Variants in ABCC4 observed in about 807,000 individuals in gnomAD.
The protein encoded by ABCC4 is ATP-binding cassette sub-family C member 4.
A neutral mutation model predicts 168.5 loss-of-function variants in ABCC4; 102 were observed. That is an observed-to-expected ratio of 0.61 (90% CI 0.52 to 0.71). The LOEUF is 0.71. Among genes scored for constraint, ABCC4 ranks in the 30% least tolerant of loss-of-function variants. The pLI, the probability that ABCC4 is intolerant of heterozygous loss-of-function variation, is 0.00. For missense variants in ABCC4, 1,402 were observed against 1,605.8 expected (o/e 0.87, Z 2.17); for synonymous variants, 617 against 590.7 (o/e 1.04, Z -0.65).
At chr13:95,283,215 C>CA (rs1262067135) in intron 1 of ABCC4, among the ~76,000 whole-genome samples, 7,577 of 100,876 alleles carry the variant, frequency 0.075, 235 homozygotes, top group African/African-American at 0.13. Flanking sequence ...GACTCCAACT[C>CA]AAAAAAAAAA....
chr13:95,247,234 G>C, intron 2 of ABCC4, 139 bp from the exon 3 acceptor site: 1 of 952,162 alleles, frequency 1.1e-6, no homozygotes, highest in Non-Finnish European at 1.6e-6. Flanking sequence ...TGCTCCCAGG[G>C]CTCCTGAAGG....
At chr13:95,210,808 T>C in intron 4 of ABCC4, 27 bp from the exon 5 acceptor site, 10 of 1,563,792 alleles carry the variant, frequency 6.4e-6, no homozygotes, top group Non-Finnish European at 8.8e-6. Context: ...AAGTAGAGAA[T>C]TGTATTCATG....
chr13:95,258,955 C>T (rs1044803743), intron 1 of ABCC4, among the ~76,000 whole-genome samples: 1 of 152,148 alleles, frequency 6.6e-6, no homozygotes, highest in African/African-American at 2.4e-5. Context: ...GGCTGCTGGG[C>T]CCGGCCTGGG....
intron 19 of ABCC4, among the ~76,000 whole-genome samples, chr13:95,137,514 A>AG (rs549294475): frequency 1.8e-4 from 27 of 152,312 alleles, no homozygotes; most frequent in South Asian, 6.2e-4. Flanking sequence ...AGAATATTTA[A>AG]GGGGGGGTAA....
At chr13:95,139,632 A>G (rs146688717) in intron 19 of ABCC4, among the ~76,000 whole-genome samples, 1 of 152,338 alleles carries the variant, frequency 6.6e-6, no homozygotes, top group East Asian at 1.9e-4. Context: ...ATCTACGGAC[A>G]TTGTTTAAAT....
At chr13:95,211,403 TCGAA>T (rs1050497492) in intron 4 of ABCC4, among the ~76,000 whole-genome samples, 2 of 152,098 alleles carry the variant, frequency 1.3e-5, no homozygotes, top group Admixed American at 6.5e-5. Flanking sequence ...TGGGGACAGT[TCGAA>T]CTGAGGGACA....
At chr13:95,068,574 C>G (rs983035128) in intron 25 of ABCC4, among the ~76,000 whole-genome samples, 4 of 152,064 alleles carry the variant, frequency 2.6e-5, no homozygotes, top group African/African-American at 9.7e-5. Context: ...GCCAAGATTG[C>G]GCCACTGCAC....
At chr13:95,120,292 C>T (rs895993674) in intron 19 of ABCC4, among the ~76,000 whole-genome samples, 8 of 152,062 alleles carry the variant, frequency 5.3e-5, no homozygotes, top group African/African-American at 1.9e-4. Context: ...TTGAGCCAGG[C>T]GCGGTGGCTC....
chr13:95,148,721 A>C (rs2036578454), intron 19 of ABCC4, among the ~76,000 whole-genome samples: 1 of 152,038 alleles, frequency 6.6e-6, no homozygotes, highest in Admixed American at 6.6e-5. Context: ...CATCAAATGA[A>C]AGTGGACATG....
At chr13:95,098,152 A>T (rs926951473) in intron 20 of ABCC4, among the ~76,000 whole-genome samples, 3 of 151,358 alleles carry the variant, frequency 2.0e-5, no homozygotes, top group East Asian at 3.9e-4. Flanking sequence ...AAAAAAAAAA[A>T]GTCAACTCAT....
intron 9 of ABCC4, among the ~76,000 whole-genome samples, chr13:95,192,293 C>T (rs1031452099): frequency 6.6e-6 from 1 of 152,096 alleles, no homozygotes; most frequent in Non-Finnish European, 1.5e-5. Flanking sequence ...TCCAGAAGCC[C>T]GTGTCTGTGC....
chr13:95,187,547 T>C (rs1204052061), intron 10 of ABCC4, among the ~76,000 whole-genome samples: 1 of 152,166 alleles, frequency 6.6e-6, no homozygotes, highest in Non-Finnish European at 1.5e-5. Context: ...GAGGTTGCAG[T>C]GACTCTAGAT....
chr13:95,197,053 G>A (rs1442128978), intron 8 of ABCC4, among the ~76,000 whole-genome samples: 2 of 152,100 alleles, frequency 1.3e-5, no homozygotes, highest in African/African-American at 2.4e-5. Flanking sequence ...TAATCCTGCT[G>A]GGAACCAGCT....
intron 19 of ABCC4, among the ~76,000 whole-genome samples, chr13:95,141,090 A>AGT (rs2036303675): frequency 6.6e-6 from 1 of 152,224 alleles, no homozygotes; most frequent in African/African-American, 2.4e-5. Context: ...TCAGATGAAA[A>AGT]GTCGTGTTGC....
At position 95,255,489 on chromosome 13, in the gene ABCC4, C is replaced by T. The variant is rs116071241; in HGVS notation, c.75-7736G>A. Among the ~76,000 whole-genome samples, 468 of 152,298 alleles carry T rather than the reference C, an allele frequency of 3.1e-3. 2 individuals are homozygous for T. The highest frequency in any genetic ancestry group is 0.011 in the African/African-American group (443 of 41,574). On this transcript the variant is annotated intron_variant, in intron 1 of 30. Transcript: ENST00000645237. ...ACACAGGCATCGCTGGAATGGATCT[C>T]GCGTGAGGGTAGAGCACCCACACCA...
chr13:95,025,093 A>G (rs936464941), intron 30 of ABCC4, among the ~76,000 whole-genome samples: 1 of 151,754 alleles, frequency 6.6e-6, no homozygotes, highest in Non-Finnish European at 1.5e-5. Context: ...GTCCTGACAG[A>G]AGACAGATTG....
chr13:95,137,075 T>C (rs1163364956), intron 19 of ABCC4, among the ~76,000 whole-genome samples: 3 of 152,200 alleles, frequency 2.0e-5, no homozygotes, highest in Non-Finnish European at 4.4e-5. Flanking sequence ...TTCAAGGTTG[T>C]CACTTCACAC....
chr13:95,115,093 C>T (rs1475394276), intron 20 of ABCC4, among the ~76,000 whole-genome samples: 1 of 151,744 alleles, frequency 6.6e-6, no homozygotes, highest in African/African-American at 2.4e-5. Context: ...AAAAAGTGCC[C>T]CAGCTTGAAC....
chr13:95,027,262 T>G (rs191815672), intron 30 of ABCC4, among the ~76,000 whole-genome samples: 9 of 152,270 alleles, frequency 5.9e-5, no homozygotes, highest in Admixed American at 5.9e-4. Flanking sequence ...TGCAACTTTT[T>G]TTTTTTAAAC....
Sources: allele counts gnomAD v4.1 joint callset (sites outside exome capture counted in the v4.1 genomes callset), GRCh38; gene constraint gnomAD v4.1.1; transcripts MANE v1.5; gene names NCBI Gene and HGNC (gene_info 2026-07-23, HGNC 2026-07-21).